PLEKHA3: variants seen among roughly 807,000 people sequenced by gnomAD.
The protein encoded by PLEKHA3 is pleckstrin homology domain containing A3, also known as pleckstrin homology domain-containing family A member 3.
PLEKHA3 carries 19 observed loss-of-function variants against 39.2 expected under a neutral mutation model. That is an observed-to-expected ratio of 0.48 (90% CI 0.34 to 0.71). The LOEUF (loss-of-function observed/expected upper bound fraction) is 0.71, where lower values mean the gene tolerates loss of function less well. Among genes scored for constraint, PLEKHA3 ranks in the 30% least tolerant of loss-of-function variants. The pLI is 0.01. For missense variants in PLEKHA3, 253 were observed against 359.5 expected (o/e 0.70, Z 2.40); for synonymous variants, 97 against 118.6 (o/e 0.82, Z 1.18).
In PLEKHA3 at chr2:178,507,201, T is replaced by C. The variant is rs890336238; in HGVS notation, c.*3314T>C. 16 of 152,146 alleles carry C rather than the reference T, an allele frequency of 1.1e-4. No homozygotes were observed. Among genetic ancestry groups the C allele is most frequent in the African/African-American group, 3.9e-4 (16 of 41,434 alleles). 9.4% of individuals were successfully genotyped at this position (152,146 alleles called of 1,614,324 possible). A position where few individuals can be genotyped will look rare whatever the true frequency, so the allele number is the denominator to read the frequency against. Reference sequence around the variant, plus strand: ...ACAGTTTCTCGAATACCTTTTATGGTAGACAGGATTTACTTTACTTAAACT... The same window carrying C: ...ACAGTTTCTCGAATACCTTTTATGGCAGACAGGATTTACTTTACTTAAACT... On this transcript the variant is annotated 3_prime_UTR_variant, in exon 8 of 8. Transcript: ENST00000234453.
rs1425128132 is a variant in PLEKHA3 at position 178,510,219 on chromosome 2, G to A, written c.*6332G>A. On this transcript the variant is annotated 3_prime_UTR_variant, in exon 8 of 8. Coordinates refer to ENST00000234453, the MANE Select transcript of PLEKHA3 (RefSeq NM_019091.4). ...CTTCATATGAAATGTTCAGGTGTTA[G>A]GTGTTATCTTTCTAAGAAACATTCA... 1.3e-5 allele frequency: 2 copies of A among 152,960 alleles called. No individual in the cohort carries two copies. The highest frequency in any genetic ancestry group is 3.9e-4 in the East Asian group (2 of 5,174). 9.5% of individuals were successfully genotyped at this position (152,960 alleles called of 1,614,324 possible). A position where few individuals can be genotyped will look rare whatever the true frequency, so the allele number is the denominator to read the frequency against.
In PLEKHA3 at chr2:178,507,735, A is replaced by C. The variant is rs969475272; in HGVS notation, c.*3848A>C. The C allele has an allele frequency of 7.6e-6, 1 of 132,306 alleles. No individual in the cohort carries two copies. Among genetic ancestry groups the C allele is most frequent in the South Asian group, 2.4e-4 (1 of 4,100 alleles). 8.2% of individuals were successfully genotyped at this position (132,306 alleles called of 1,614,324 possible). A position where few individuals can be genotyped will look rare whatever the true frequency, so the allele number is the denominator to read the frequency against. On this transcript the variant is annotated 3_prime_UTR_variant, in exon 8 of 8. Coordinates refer to ENST00000234453, the MANE Select transcript of PLEKHA3 (RefSeq NM_019091.4). ...CCAGTAACTTCCTAAGAAAAGGTGCATAGAAAGTAAAGATTTTAAGGCTTT... is the reference window on the plus strand; with the variant it reads ...CCAGTAACTTCCTAAGAAAAGGTGCCTAGAAAGTAAAGATTTTAAGGCTTT...
chr2:178,482,352 C>T (rs1367568841), intron 1 of PLEKHA3, among the ~76,000 whole-genome samples: 2 of 151,548 alleles, frequency 1.3e-5, no homozygotes, highest in African/African-American at 4.9e-5. Flanking sequence ...CATAGGGAGA[C>T]GTGGTCTCTA....
chr2:178,491,271 A>G (rs955656844), intron 3 of PLEKHA3, among the ~76,000 whole-genome samples: 3 of 152,150 alleles, frequency 2.0e-5, no homozygotes, highest in Admixed American at 6.5e-5. Flanking sequence ...TCGGCCTCCC[A>G]AAGTGCTGGG....
rs978446365 is a variant in PLEKHA3 at position 178,508,179 on chromosome 2, C to A, written c.*4292C>A. 1 of 153,048 alleles carries A rather than the reference C, an allele frequency of 6.5e-6. No individual in the cohort carries two copies. The highest frequency in any genetic ancestry group is 1.5e-5 in the Non-Finnish European group (1 of 67,890). The allele number at this position is 153,048 out of a possible 1,614,324, so 9.5% of individuals were successfully genotyped here. On this transcript the variant is annotated 3_prime_UTR_variant, in exon 8 of 8. Coordinates refer to ENST00000234453, the MANE Select transcript of PLEKHA3 (RefSeq NM_019091.4). ...GAATGTTGGACCTCCCAGAGTTGGA[C>A]CGCCTCTAAATTTAAAAAGCTTTTT...
At chr2:178,484,074 C>T (rs975341892) in intron 1 of PLEKHA3, among the ~76,000 whole-genome samples, 9 of 152,202 alleles carry the variant, frequency 5.9e-5, no homozygotes, top group African/African-American at 2.2e-4. Context: ...GAGATCCTGT[C>T]TCAAAAAACC....
At position 178,505,527 on chromosome 2, in the gene PLEKHA3, G is replaced by A. The variant is rs1252231829; in HGVS notation, c.*1640G>A. The A allele has an allele frequency of 6.7e-6, 1 of 150,302 alleles. No homozygotes were observed. The highest frequency in any genetic ancestry group is 1.9e-4 in the East Asian group (1 of 5,160). The allele number at this position is 150,302 out of a possible 1,614,324, so 9.3% of individuals were successfully genotyped here. A position where few individuals can be genotyped will look rare whatever the true frequency, so the allele number is the denominator to read the frequency against. ...AAAGTTTGATAATGTAGTAAGTTAT[G>A]ACGTTGAGCAGGTAATCAGGTTTTT... On this transcript the variant is annotated 3_prime_UTR_variant, in exon 8 of 8. Coordinates refer to ENST00000234453, the MANE Select transcript of PLEKHA3 (RefSeq NM_019091.4).
At chr2:178,499,886 A>G (rs1326390913) in intron 6 of PLEKHA3, among the ~76,000 whole-genome samples, 1 of 152,168 alleles carries the variant, frequency 6.6e-6, no homozygotes, top group East Asian at 1.9e-4. Flanking sequence ...ATGGTTAGAC[A>G]GAAGTACATT....
chr2:178,484,921 C>G (rs553386935), intron 1 of PLEKHA3, among the ~76,000 whole-genome samples: 53 of 152,308 alleles, frequency 3.5e-4, no homozygotes, highest in Non-Finnish European at 6.9e-4. Flanking sequence ...CGAACAATTG[C>G]AGTTTCTAGG....
chr2:178,503,194 A>C (rs1198520434), intron 7 of PLEKHA3, among the ~76,000 whole-genome samples: 1 of 152,048 alleles, frequency 6.6e-6, no homozygotes, highest in African/African-American at 2.4e-5. Context: ...ATGGAGTTGC[A>C]GTGATAGTTC....
chr2:178,499,206 T>C lies in PLEKHA3; in HGVS notation c.616-5T>C, dbSNP rs1304040951. 6.2e-7 allele frequency: 1 copy of C among 1,607,168 alleles called. No homozygotes were observed. On this transcript the variant is annotated splice_polypyrimidine_tract_variant and splice_region_variant and intron_variant, in intron 5 of 7. Coordinates refer to ENST00000234453, the MANE Select transcript of PLEKHA3 (RefSeq NM_019091.4). ...AATTTTTTTTTTTTTTTCCAAAATT[T>C]CTAGATGAAGCGTTCTGTCAGCCAC...
chr2:178,496,891 TG>T lies in PLEKHA3; in HGVS notation c.615+1239del, dbSNP rs201070051. ...TTTTTTAATTTATTATTTGTAGAGA[TG>T]GGGGGGGTCTCATTTTGTTGCCCAA... On this transcript the variant is annotated intron_variant, in intron 5 of 7. Coordinates refer to ENST00000234453, the MANE Select transcript of PLEKHA3 (RefSeq NM_019091.4). Among the ~76,000 whole-genome samples, 7 of 151,486 alleles carry T rather than the reference TG, an allele frequency of 4.6e-5. No individual in the cohort carries two copies. The East Asian group carries it at 9.8e-4, about 21-fold the overall frequency.
Position 178,480,510 on chromosome 2 carries a change from G to C in PLEKHA3, c.-360G>C, listed in dbSNP as rs1291003604. On this transcript the variant is annotated 5_prime_UTR_variant, in exon 1 of 8. Coordinates refer to ENST00000234453, the MANE Select transcript of PLEKHA3 (RefSeq NM_019091.4). ...CAATGAAAACAAACGGGGAGCCCAG[G>C]GGGAAGGAAGGCAGGCGAGGAAGAG... The C allele has an allele frequency of 3.9e-5, 7 of 180,556 alleles. No homozygotes were observed. In the South Asian group the frequency reaches 5.9e-4, roughly 15 times the overall value. The allele number at this position is 180,556 out of a possible 1,614,324, so 11.2% of individuals were successfully genotyped here. A position where few individuals can be genotyped will look rare whatever the true frequency, so the allele number is the denominator to read the frequency against.
intron 3 of PLEKHA3, 31 bp downstream of exon 3, chr2:178,490,845 G>A: frequency 2.0e-6 from 3 of 1,534,242 alleles, no homozygotes; most frequent in Non-Finnish European, 2.6e-6. Flanking sequence ...TGTGGTGAGA[G>A]TACTTTCTTA....
At chr2:178,494,343 T>A (rs985376234) in intron 4 of PLEKHA3, among the ~76,000 whole-genome samples, 2 of 152,224 alleles carry the variant, frequency 1.3e-5, no homozygotes, top group African/African-American at 4.8e-5. Context: ...AGGTCCCTGC[T>A]TCAACTATGA....
In PLEKHA3 at chr2:178,504,382, CA is replaced by C. The variant is rs1457783192; in HGVS notation, c.*496del. 1 of 153,182 alleles carries C rather than the reference CA, an allele frequency of 6.5e-6. No individual in the cohort carries two copies. The highest frequency in any genetic ancestry group is 1.9e-4 in the East Asian group (1 of 5,230). 9.5% of individuals were successfully genotyped at this position (153,182 alleles called of 1,614,324 possible). ...TGTATTCCTTTAATCAAAAAGGAAA[CA>C]CAATATTCTAAGTATCTTTAGCCCA... On this transcript the variant is annotated 3_prime_UTR_variant, in exon 8 of 8. Transcript: ENST00000234453.
At position 178,510,412 on chromosome 2, in the gene PLEKHA3, C is replaced by T. The variant is rs370110959; in HGVS notation, c.*6525C>T. 2.0e-5 allele frequency: 3 copies of T among 153,608 alleles called. No homozygotes were observed. Among genetic ancestry groups the T allele is most frequent in the South Asian group, 4.1e-4 (2 of 4,824 alleles). The allele number at this position is 153,608 out of a possible 1,614,324, so 9.5% of individuals were successfully genotyped here. A position where few individuals can be genotyped will look rare whatever the true frequency, so the allele number is the denominator to read the frequency against. The stretch of plus-strand genomic sequence containing the variant: ...ATGATGTTTGTTATGCCTTACCTAC[C>T]GCCAGTAGATGTAATACTCTTAATA... On this transcript the variant is annotated 3_prime_UTR_variant, in exon 8 of 8. Transcript: ENST00000234453.
chr2:178,501,401 T>A (rs1304979009), intron 7 of PLEKHA3, among the ~76,000 whole-genome samples: 1 of 152,000 alleles, frequency 6.6e-6, no homozygotes, highest in East Asian at 1.9e-4. Flanking sequence ...TTTGTAAATA[T>A]CGTATCTCAG....
rs921059860 is a variant in PLEKHA3 at position 178,515,217 on chromosome 2, C to T, written c.*11330C>T. 2.6e-5 allele frequency: 4 copies of T among 151,244 alleles called. No homozygotes were observed. The highest frequency in any genetic ancestry group is 5.9e-5 in the Non-Finnish European group (4 of 67,958). 9.4% of individuals were successfully genotyped at this position (151,244 alleles called of 1,614,324 possible). A position where few individuals can be genotyped will look rare whatever the true frequency, so the allele number is the denominator to read the frequency against. On this transcript the variant is annotated 3_prime_UTR_variant, in exon 8 of 8. Coordinates refer to ENST00000234453, the MANE Select transcript of PLEKHA3 (RefSeq NM_019091.4). ...ATAGTTCAAGTCCATTAGTGTCTTA[C>T]TCTAGAGAAAACGAAAGACTCACTG... is the stretch of plus-strand genomic sequence containing the variant.
Sources: allele counts gnomAD v4.1 joint callset (sites outside exome capture counted in the v4.1 genomes callset), GRCh38; gene constraint gnomAD v4.1.1; transcripts MANE v1.5; gene names NCBI Gene and HGNC (gene_info 2026-07-23, HGNC 2026-07-21).